NSMCE1: variants seen among roughly 807,000 people sequenced by gnomAD.
NSMCE1 encodes NSE1 component of SMC5/6 complex.
A neutral mutation model predicts 29.6 loss-of-function variants in NSMCE1; 18 were observed. The ratio of observed to expected loss-of-function variants is 0.61; its 90% CI spans 0.42 to 0.90. The LOEUF (loss-of-function observed/expected upper bound fraction) is 0.90, where lower values mean the gene tolerates loss of function less well. Ranked by LOEUF, NSMCE1 falls within the 40% of genes least tolerant of loss-of-function variation. NSMCE1 has a pLI of 0.00. For missense variants in NSMCE1, 314 were observed against 343.6 expected, an observed-to-expected ratio of 0.91 and a Z score of 0.68; for synonymous variants, 124 against 133.4, an observed-to-expected ratio of 0.93 and a Z score of 0.49.
chr16:27,254,044 T>C (rs952048892), intron 2 of NSMCE1, among the ~76,000 whole-genome samples: 5 of 152,244 alleles, frequency 3.3e-5, no homozygotes, highest in African/African-American at 1.2e-4. Context: ...AACTTGCAAT[T>C]TCAATCACTC....
intron 5 of NSMCE1, among the ~76,000 whole-genome samples, chr16:27,231,375 G>T (rs571904453): frequency 6.6e-6 from 1 of 152,148 alleles, no homozygotes; most frequent in Non-Finnish European, 1.5e-5. Context: ...GCTGGCTCAC[G>T]CCTGTCATCC....
chr16:27,266,280 A>C (rs2141014059), intron 1 of NSMCE1: 1 of 152,370 alleles, frequency 6.6e-6, no homozygotes, highest in South Asian at 2.1e-4. Context: ...GAGAATGAGA[A>C]CAGGATAGGA....
chr16:27,225,064 G>T lies in NSMCE1; in HGVS notation c.*93C>A. Reference sequence around the variant, plus strand: ...AACATTAAGACGAAAGAGGTGACTCGCGTGGAACCTGAAACACGGACGCCT... The same window carrying T: ...AACATTAAGACGAAAGAGGTGACTCTCGTGGAACCTGAAACACGGACGCCT... On this transcript the variant is annotated 3_prime_UTR_variant, in exon 8 of 8. Coordinates refer to ENST00000361439, the MANE Select transcript of NSMCE1 (RefSeq NM_145080.4). The T allele has an allele frequency of 8.3e-6, 6 of 722,772 alleles. No individual in the cohort carries two copies. Among genetic ancestry groups the T allele is most frequent in the South Asian group, 7.8e-5 (5 of 63,996 alleles). 44.8% of individuals were successfully genotyped at this position (722,772 alleles called of 1,614,324 possible).
chr16:27,226,556 C>T, intron 6 of NSMCE1, 164 bp downstream of exon 6: 4 of 578,646 alleles, frequency 6.9e-6, no homozygotes, highest in Non-Finnish European at 1.2e-5. Flanking sequence ...AGCAGGGAGG[C>T]GTCCTGACAC....
intron 6 of NSMCE1, 129 bp downstream of exon 6, chr16:27,226,591 C>G (rs145870327): frequency 7.6e-4 from 482 of 636,244 alleles, no homozygotes; most frequent in Middle Eastern, 3.0e-3. Context: ...CCTCCGCCAG[C>G]TCTTGTGGGA....
chr16:27,229,129 C>A (rs2083737460), intron 5 of NSMCE1, among the ~76,000 whole-genome samples: 1 of 152,238 alleles, frequency 6.6e-6, no homozygotes, highest in Non-Finnish European at 1.5e-5. Context: ...GCCTCGCAAT[C>A]TTTGTGCTCA....
At chr16:27,243,464 C>T (rs951118259) in intron 2 of NSMCE1, among the ~76,000 whole-genome samples, 8 of 152,276 alleles carry the variant, frequency 5.3e-5, no homozygotes, top group Non-Finnish European at 1.5e-5. Flanking sequence ...GGCCAGACCA[C>T]GTATAAAAGC....
intron 1 of NSMCE1, among the ~76,000 whole-genome samples, chr16:27,267,005 G>A (rs985623548): frequency 3.9e-5 from 6 of 152,030 alleles, no homozygotes; most frequent in Non-Finnish European, 7.4e-5. Flanking sequence ...TTTTGTTTTT[G>A]TTTTAGCCAA....
chr16:27,247,048 C>T (rs2083965454), intron 2 of NSMCE1, among the ~76,000 whole-genome samples: 1 of 152,054 alleles, frequency 6.6e-6, no homozygotes, highest in Admixed American at 6.5e-5. Context: ...GGCTACTGAG[C>T]ACTTAAAATG....
chr16:27,249,181 A>G (rs1360321298), intron 2 of NSMCE1, among the ~76,000 whole-genome samples: 2 of 152,212 alleles, frequency 1.3e-5, no homozygotes, highest in Non-Finnish European at 2.9e-5. Flanking sequence ...ATATATTCTG[A>G]ATACAAGTCA....
intron 1 of NSMCE1, chr16:27,268,330 G>A (rs2084251388): frequency 6.6e-6 from 1 of 152,218 alleles, no homozygotes; most frequent in Non-Finnish European, 1.5e-5. Flanking sequence ...ATTTTCCATA[G>A]ATGTAATCAC....
chr16:27,260,881 C>T (rs1472693459), intron 1 of NSMCE1, among the ~76,000 whole-genome samples: 2 of 94,872 alleles, frequency 2.1e-5, no homozygotes, highest in East Asian at 3.9e-4. Flanking sequence ...AAAAAGGTTG[C>T]GGGGGCTGGT....
intron 2 of NSMCE1, among the ~76,000 whole-genome samples, chr16:27,253,493 T>C (rs546315064): frequency 6.6e-6 from 1 of 152,336 alleles, no homozygotes; most frequent in South Asian, 2.1e-4. Flanking sequence ...ATGTCCAGTA[T>C]TTTATACTTT....
At position 27,225,829 on chromosome 16, in the gene NSMCE1, G is replaced by A. The variant is rs2083684516; in HGVS notation, c.618C>T (p.Thr206=). 1 of 1,614,060 alleles carries A rather than the reference G, an allele frequency of 6.2e-7. No individual in the cohort carries two copies. Among genetic ancestry groups the A allele is most frequent in the Admixed American group, 1.7e-5 (1 of 60,006 alleles). The stretch of plus-strand genomic sequence containing the variant: ...AGGGTAAGTGCATCCTGATCCCACA[G>A]GTTTCGCAGCTTTGACCCTGAAACA... ...SLLIQGQSCE[T]CGIRMHLPCV... Residue 206 remains threonine (T), a synonymous_variant, in exon 7 of 8, where the codon ACC becomes ACT. Transcript: ENST00000361439.
At chr16:27,243,426 TACAA>T (rs1399044886) in intron 2 of NSMCE1, among the ~76,000 whole-genome samples, 1 of 152,134 alleles carries the variant, frequency 6.6e-6, no homozygotes, top group Non-Finnish European at 1.5e-5. Flanking sequence ...AGATTGAACA[TACAA>T]ACAGCCAATG....
At chr16:27,225,641 G>T in intron 7 of NSMCE1, 85 bp downstream of exon 7, 1 of 1,537,846 alleles carries the variant, frequency 6.5e-7, no homozygotes. Context: ...GCCCTTCAGG[G>T]CCCTGTCTCC....
chr16:27,261,018 T>C (rs1390965835), intron 1 of NSMCE1, among the ~76,000 whole-genome samples: 5 of 151,214 alleles, frequency 3.3e-5, no homozygotes, highest in African/African-American at 1.2e-4. Context: ...AATACAAAAA[T>C]TAGCCAGGCA....
Position 27,235,134 on chromosome 16 carries a change from C to T in NSMCE1, c.258+44G>A, listed in dbSNP as rs77484393. On this transcript the variant is annotated intron_variant, in intron 3 of 7. Transcript: ENST00000361439. ...AACACAGGCTGCCTGGGCCCTGTTC[C>T]AGCTCCTCAAAAATGCCACTAGAGG... The T allele has an allele frequency of 3.3e-4, 524 of 1,599,638 alleles. 5 individuals are homozygous for T. In the African/African-American group the frequency reaches 6.5e-3, roughly 20 times the overall value.
chr16:27,241,832 C>T (rs922612190), intron 2 of NSMCE1: 7 of 455,074 alleles, frequency 1.5e-5, no homozygotes, highest in African/African-American at 1.2e-4. Context: ...AATGCAGAGG[C>T]GAGCCAGAAA....
Sources: gnomAD v4.1 joint callset for allele counts (sites outside exome capture counted in the v4.1 genomes callset) on GRCh38, gnomAD v4.1.1 for gene constraint, MANE v1.5 for transcripts, NCBI Gene and HGNC (gene_info 2026-07-23, HGNC 2026-07-21) for gene names.